Variants in IPO11 observed in about 807,000 individuals in gnomAD.
IPO11 encodes the protein importin 11.
A neutral mutation model predicts 143.2 loss-of-function variants in IPO11; 66 were observed. The ratio of observed to expected loss-of-function variants is 0.46; its 90% CI spans 0.38 to 0.57. The LOEUF is 0.57. Ranked by LOEUF, IPO11 falls within the 20% of genes least tolerant of loss-of-function variation. The probability of loss-of-function intolerance (pLI) is 0.00; values close to 1 mark genes in which losing one functional copy is unlikely to be tolerated. For synonymous variants in IPO11, 385 were observed against 377.8 expected, an observed-to-expected ratio of 1.02 and a Z score of -0.22; for missense variants, 1,026 against 1,141.0, an observed-to-expected ratio of 0.90 and a Z score of 1.45.
chr5:62,414,323 A>G lies in IPO11; in HGVS notation c.-7+1394A>G, dbSNP rs558561677. On this transcript the variant is annotated intron_variant, in intron 1 of 29. Transcript: ENST00000325324. The stretch of plus-strand genomic sequence containing the variant: ...GAAACAAAATTTTTTTTTCTCAGCA[A>G]TAAAAATATTCAAATTTTGGGTAAG... Among the ~76,000 whole-genome samples, 30 of 152,326 alleles carry G rather than the reference A, an allele frequency of 2.0e-4. No individual in the cohort carries two copies. The South Asian group carries it at 5.6e-3, about 28-fold the overall frequency.
intron 29 of IPO11, among the ~76,000 whole-genome samples, chr5:62,602,489 A>G (rs4700494): frequency 0.44 from 66,417 of 151,958 alleles, 15,109 homozygotes; most frequent in South Asian, 0.53. Context: ...TCATCATTTA[A>G]CTAACTTTAT....
At chr5:62,626,678 T>C (rs35961924) in intron 29 of IPO11, among the ~76,000 whole-genome samples, 13,062 of 151,514 alleles carry the variant, frequency 0.086, 600 homozygotes, top group East Asian at 0.14. Flanking sequence ...TTTTTTTTTT[T>C]CAGCCAGAAG....
intron 29 of IPO11, among the ~76,000 whole-genome samples, chr5:62,613,504 T>C (rs994568759): frequency 6.6e-6 from 1 of 151,980 alleles, no homozygotes; most frequent in African/African-American, 2.4e-5. Context: ...ACTTTTGCCA[T>C]GTTGCCCAGG....
At chr5:62,442,475 T>C (rs1744521265) in intron 2 of IPO11, among the ~76,000 whole-genome samples, 1 of 152,210 alleles carries the variant, frequency 6.6e-6, no homozygotes, top group Non-Finnish European at 1.5e-5. Flanking sequence ...ACTGAGCAGG[T>C]GTACTTCTTA....
At chr5:62,478,425 C>A (rs1018415636) in intron 9 of IPO11, among the ~76,000 whole-genome samples, 6 of 152,144 alleles carry the variant, frequency 3.9e-5, no homozygotes, top group Non-Finnish European at 8.8e-5. Flanking sequence ...CTGCCACCTC[C>A]CAAAGTGCTG....
At chr5:62,419,236 C>T in intron 1 of IPO11, 1 of 1,205,738 alleles carries the variant, frequency 8.3e-7, no homozygotes, top group East Asian at 2.7e-5. Flanking sequence ...TCGAATGGAG[C>T]TTGGAGGACT....
intron 1 of IPO11, among the ~76,000 whole-genome samples, chr5:62,414,749 C>T (rs1002153037): frequency 6.6e-6 from 1 of 152,292 alleles, no homozygotes; most frequent in South Asian, 2.1e-4. Flanking sequence ...AACAAGTTAT[C>T]TAGATGAAAG....
intron 1 of IPO11, among the ~76,000 whole-genome samples, chr5:62,430,364 C>G (rs564057477): frequency 7.2e-5 from 11 of 152,132 alleles, no homozygotes; most frequent in Non-Finnish European, 1.2e-4. Flanking sequence ...CACCATTGAT[C>G]GGATCATTAT....
intron 29 of IPO11, among the ~76,000 whole-genome samples, chr5:62,617,009 C>A (rs1746166944): frequency 6.6e-6 from 1 of 152,146 alleles, no homozygotes; most frequent in African/African-American, 2.4e-5. Flanking sequence ...CTCTTTATAG[C>A]ACCTGCACTT....
At chr5:62,437,555 ATTAC>A (rs1412419491) in intron 2 of IPO11, 138 bp downstream of exon 2, 4 of 632,086 alleles carry the variant, frequency 6.3e-6, no homozygotes, top group Non-Finnish European at 1.1e-5. Flanking sequence ...CCATTATCTT[ATTAC>A]TTTATGACTT....
At chr5:62,470,145 T>G in intron 6 of IPO11, 105 bp from the exon 7 acceptor site, 1 of 1,085,208 alleles carries the variant, frequency 9.2e-7, no homozygotes, top group Non-Finnish European at 1.4e-6. Context: ...CCAACCCAGA[T>G]TAACCTCCAA....
At chr5:62,570,979 G>A (rs1336303219) in intron 27 of IPO11, among the ~76,000 whole-genome samples, 1 of 152,140 alleles carries the variant, frequency 6.6e-6, no homozygotes, top group Admixed American at 6.5e-5. Context: ...CAAAGTAGTT[G>A]ATGTGATATA....
At chr5:62,540,527 A>G (rs565462596) in intron 24 of IPO11, among the ~76,000 whole-genome samples, 1 of 152,340 alleles carries the variant, frequency 6.6e-6, no homozygotes, top group East Asian at 1.9e-4. Context: ...TGGAATGGCC[A>G]TTGTGATTCT....
intron 7 of IPO11, among the ~76,000 whole-genome samples, chr5:62,472,209 G>A (rs1293265639): frequency 6.6e-6 from 1 of 152,032 alleles, no homozygotes; most frequent in Non-Finnish European, 1.5e-5. Context: ...AATCCTTTAT[G>A]GTAGAAGCAA....
chr5:62,615,490 A>G (rs993234524), intron 29 of IPO11, among the ~76,000 whole-genome samples: 1 of 152,228 alleles, frequency 6.6e-6, no homozygotes, highest in African/African-American at 2.4e-5. Context: ...AGGGCCTTGT[A>G]TGCCATAAGT....
At chr5:62,581,369 C>T (rs1744554129) in intron 27 of IPO11, 1 of 1,205,024 alleles carries the variant, frequency 8.3e-7, no homozygotes, top group African/African-American at 1.6e-5. Flanking sequence ...ACTGAAACCT[C>T]CTTATATAAT....
At chr5:62,526,655 C>T (rs925276867) in intron 21 of IPO11, 2 of 173,858 alleles carry the variant, frequency 1.2e-5, no homozygotes, top group African/African-American at 2.4e-5. Context: ...ATGCGACTTA[C>T]AGTCTTAACT....
intron 2 of IPO11, among the ~76,000 whole-genome samples, chr5:62,439,436 G>A (rs1183876581): frequency 2.0e-5 from 3 of 151,616 alleles, no homozygotes; most frequent in East Asian, 1.9e-4. Context: ...ACAGGTGCCC[G>A]CCACCACGCC....
At chr5:62,419,370 T>C (rs1004804232) in intron 1 of IPO11, among the ~76,000 whole-genome samples, 7 of 152,260 alleles carry the variant, frequency 4.6e-5, no homozygotes, top group Non-Finnish European at 7.3e-5. Context: ...TCTTAGCTTA[T>C]TGTAACTTTT....
Sources: allele counts gnomAD v4.1 joint callset (sites outside exome capture counted in the v4.1 genomes callset), GRCh38; gene constraint gnomAD v4.1.1; transcripts MANE v1.5; gene names NCBI Gene and HGNC (gene_info 2026-07-23, HGNC 2026-07-21).